Variants in NRXN1 observed in about 807,000 individuals in gnomAD.
The protein encoded by NRXN1 is neurexin 1.
NRXN1 carries 39 observed loss-of-function variants against 150.9 expected under a neutral mutation model. The ratio of observed to expected loss-of-function variants is 0.26; its 90% CI spans 0.20 to 0.34. The LOEUF is 0.34. NRXN1 is among the 10% of genes least tolerant of loss of function. The pLI is 1.00. For synonymous variants in NRXN1, 924 were observed against 757.0 expected, an observed-to-expected ratio of 1.22 and a Z score of -3.62; for missense variants, 1,815 against 1,949.9, an observed-to-expected ratio of 0.93 and a Z score of 1.30.
intron 17 of NRXN1, among the ~76,000 whole-genome samples, chr2:50,306,786 T>A (rs1262433752): frequency 6.6e-6 from 1 of 152,204 alleles, no homozygotes; most frequent in African/African-American, 2.4e-5. Flanking sequence ...TCCAGAGTGT[T>A]GGCTTAGATG....
At chr2:49,987,863 A>T (rs1340993204) in intron 21 of NRXN1, among the ~76,000 whole-genome samples, 1 of 152,022 alleles carries the variant, frequency 6.6e-6, no homozygotes, top group African/African-American at 2.4e-5. Flanking sequence ...CTAACATATC[A>T]GGCAATATTT....
chr2:50,016,678 G>GA (rs1480344287), intron 21 of NRXN1: 3 of 152,208 alleles, frequency 2.0e-5, no homozygotes, highest in Middle Eastern at 3.3e-3. Flanking sequence ...ACAGCATGGG[G>GA]AAAACCACCC....
intron 5 of NRXN1, among the ~76,000 whole-genome samples, chr2:50,647,348 C>T (rs1277016002): frequency 2.0e-5 from 3 of 151,718 alleles, no homozygotes; most frequent in South Asian, 2.1e-4. Flanking sequence ...CAGAAAAATC[C>T]CTTAACCTTC....
At chr2:50,847,477 G>T (rs547961050) in intron 5 of NRXN1, among the ~76,000 whole-genome samples, 1 of 152,226 alleles carries the variant, frequency 6.6e-6, no homozygotes, top group East Asian at 1.9e-4. Flanking sequence ...ACAGAAGCGG[G>T]GAAGGGAAGT....
chr2:51,009,564 A>T (rs1667539687), intron 2 of NRXN1, among the ~76,000 whole-genome samples: 1 of 151,958 alleles, frequency 6.6e-6, no homozygotes, highest in Non-Finnish European at 1.5e-5. Context: ...TAGACAAATT[A>T]AAGAGTCTAC....
Position 50,623,499 on chromosome 2 carries a change from T to C in NRXN1, c.949A>G (p.Arg317Gly), listed in dbSNP as rs1278589414. 3.1e-6 allele frequency: 5 copies of C among 1,613,456 alleles called. No individual in the cohort carries two copies. Among genetic ancestry groups the C allele is most frequent in the Non-Finnish European group, 4.2e-6 (5 of 1,179,516 alleles). ...EITLSFKTLQ[R>G]NGLMLHTGKS... The stretch of plus-strand genomic sequence containing the variant: ...CCAGTGTGAAGCATCAGTCCATTCC[T>C]CTGAAGGGTTTTAAATGACAGAGTT... Residue 317 changes from arginine to glycine, a missense_variant, in exon 6 of 23, where the codon AGG (arginine) becomes GGG (glycine). Physicochemically the swap from Arg to Gly is moderately radical, Grantham distance 125. Coordinates refer to ENST00000401669, the MANE Select transcript of NRXN1 (RefSeq NM_001330078.2).
intron 8 of NRXN1, among the ~76,000 whole-genome samples, chr2:50,602,833 C>A (rs1399794591): frequency 6.6e-6 from 1 of 152,200 alleles, no homozygotes; most frequent in Non-Finnish European, 1.5e-5. Context: ...GCTTGCTTAG[C>A]ATGTGTGATC....
chr2:50,237,033 T>A, intron 17 of NRXN1, 63 bp from the exon 18 acceptor site: 2 of 1,477,102 alleles, frequency 1.4e-6, no homozygotes, highest in South Asian at 1.1e-5. Flanking sequence ...TAGCAAGGCA[T>A]GTTATATTGA....
At chr2:50,474,839 C>CCCCA (rs1558795095) in intron 15 of NRXN1, among the ~76,000 whole-genome samples, 14 of 108,826 alleles carry the variant, frequency 1.3e-4, no homozygotes, top group South Asian at 3.3e-4. Flanking sequence ...GCCCCCCTAC[C>CCCCA]AAAAAAAAAA....
chr2:50,547,808 T>C (rs532313300), intron 9 of NRXN1, among the ~76,000 whole-genome samples: 22 of 152,150 alleles, frequency 1.4e-4, no homozygotes, highest in Non-Finnish European at 2.5e-4. Context: ...CTCAGCCCAC[T>C]TGGCTTTCCA....
At chr2:49,953,861 T>A (rs1558573479) in intron 21 of NRXN1, among the ~76,000 whole-genome samples, 1 of 151,606 alleles carries the variant, frequency 6.6e-6, no homozygotes, top group Non-Finnish European at 1.5e-5. Flanking sequence ...TGTCAGGGTG[T>A]GGGGGACAAG....
chr2:50,124,227 CTG>C (rs1333103540), intron 18 of NRXN1, among the ~76,000 whole-genome samples: 2 of 152,094 alleles, frequency 1.3e-5, no homozygotes, highest in African/African-American at 4.8e-5. Context: ...AATATGAAGA[CTG>C]AGAATTGACA....
intron 17 of NRXN1, among the ~76,000 whole-genome samples, chr2:50,368,924 A>C (rs145706888): frequency 7.6e-4 from 116 of 152,098 alleles, no homozygotes; most frequent in East Asian, 1.4e-3. Flanking sequence ...ATTTCTTTAG[A>C]TAAAGAAATT....
In NRXN1 at chr2:50,161,562, G is replaced by A. The variant is rs187093837; in HGVS notation, c.3547-70068C>T. Reference sequence around the variant, plus strand: ...AAGCAGACTGGGAGAATTTTGACAGGAGAACTACTATTCTTTTCAGACACA... The same window carrying A: ...AAGCAGACTGGGAGAATTTTGACAGAAGAACTACTATTCTTTTCAGACACA... On this transcript the variant is annotated intron_variant, in intron 18 of 22. Transcript: ENST00000401669. Among the ~76,000 whole-genome samples the A allele has an allele frequency of 2.3e-4, 35 of 152,210 alleles. No individual in the cohort carries two copies. In the East Asian group the frequency reaches 5.4e-3, roughly 24 times the overall value.
chr2:50,234,506 C>A (rs540465084), intron 18 of NRXN1, among the ~76,000 whole-genome samples: 1 of 151,974 alleles, frequency 6.6e-6, no homozygotes, highest in African/African-American at 2.4e-5. Context: ...ACAACGACAA[C>A]AACAACAACA....
intron 12 of NRXN1, among the ~76,000 whole-genome samples, chr2:50,523,648 T>C (rs952947092): frequency 2.6e-5 from 4 of 152,222 alleles, no homozygotes; most frequent in Admixed American, 2.6e-4. Context: ...GATCTTTTCA[T>C]TCTGGTAATA....
At chr2:49,974,108 C>T (rs1029113014) in intron 21 of NRXN1, 2 of 716,376 alleles carry the variant, frequency 2.8e-6, no homozygotes, top group Admixed American at 2.0e-5. Flanking sequence ...AGGAGAGCTC[C>T]CTGACTCAGT....
intron 5 of NRXN1, among the ~76,000 whole-genome samples, chr2:50,793,861 T>C (rs1706414812): frequency 6.6e-6 from 1 of 152,092 alleles, no homozygotes; most frequent in Non-Finnish European, 1.5e-5. Flanking sequence ...TTGTACTTTT[T>C]TTAATCAGCA....
chr2:50,620,051 T>C lies in NRXN1; in HGVS notation c.1291A>G (p.Ser431Gly), dbSNP rs1189110494. ...TTGAGACAGCCCATAAAGTTGTTAC[T>C]GACTGGTGACCCTGGAAGGTCGGCT... ...STADLPGSPV[S>G]NNFMGCLKEV... The change falls in exon 8 of 23, where the codon AGT (serine) becomes GGT (glycine). Residue 431 changes from serine (S) to glycine (G), a missense_variant. Coordinates refer to ENST00000401669, the MANE Select transcript of NRXN1 (RefSeq NM_001330078.2). The C allele has an allele frequency of 1.2e-6, 2 of 1,609,522 alleles. No individual in the cohort carries two copies. Among genetic ancestry groups the C allele is most frequent in the Admixed American group, 1.7e-5 (1 of 59,502 alleles).
Sources: gnomAD v4.1 joint callset for allele counts (sites outside exome capture counted in the v4.1 genomes callset) on GRCh38, gnomAD v4.1.1 for gene constraint, MANE v1.5 for transcripts, NCBI Gene and HGNC (gene_info 2026-07-23, HGNC 2026-07-21) for gene names.